CADM2: variants seen among roughly 807,000 people sequenced by gnomAD.
CADM2 encodes the protein cell adhesion molecule 2.
CADM2 carries 12 observed loss-of-function variants against 49.8 expected under a neutral mutation model. That is an observed-to-expected ratio of 0.24 (90% confidence interval 0.15 to 0.39). CADM2 has a LOEUF of 0.39. Among genes scored for constraint, CADM2 ranks in the 10% least tolerant of loss-of-function variants. The pLI, the probability that CADM2 is intolerant of heterozygous loss-of-function variation, is 1.00. For missense variants in CADM2, 378 were observed against 492.3 expected, an observed-to-expected ratio of 0.77 and a Z score of 2.20; for synonymous variants, 214 against 175.4, an observed-to-expected ratio of 1.22 and a Z score of -1.74.
intron 1 of CADM2, among the ~76,000 whole-genome samples, chr3:85,514,063 CT>C (rs2060837895): frequency 6.6e-6 from 1 of 152,048 alleles, no homozygotes; most frequent in African/African-American, 2.4e-5. Flanking sequence ...TCACTTACTT[CT>C]TACAATGACA....
At chr3:85,356,532 A>G (rs1448082123) in intron 1 of CADM2, among the ~76,000 whole-genome samples, 1 of 152,108 alleles carries the variant, frequency 6.6e-6, no homozygotes, top group Non-Finnish European at 1.5e-5. Flanking sequence ...AGAAAAGATA[A>G]TACAATGAGA....
At chr3:85,012,164 G>A (rs1476954444) in intron 1 of CADM2, among the ~76,000 whole-genome samples, 1 of 151,058 alleles carries the variant, frequency 6.6e-6, no homozygotes, top group East Asian at 1.9e-4. Flanking sequence ...AAAAAAATGA[G>A]CTCATGCTCC....
intron 1 of CADM2, among the ~76,000 whole-genome samples, chr3:85,647,281 G>T (rs1232861165): frequency 6.6e-6 from 1 of 151,698 alleles, no homozygotes; most frequent in East Asian, 1.9e-4. Context: ...CATGGGAAAT[G>T]AAACCATTTT....
intron 8 of CADM2, among the ~76,000 whole-genome samples, chr3:86,037,443 G>C (rs1384569591): frequency 6.6e-6 from 1 of 152,098 alleles, no homozygotes; most frequent in Non-Finnish European, 1.5e-5. Context: ...TTAAGAGAGG[G>C]GGGCAGGGCA....
intron 1 of CADM2, among the ~76,000 whole-genome samples, chr3:85,506,773 A>G (rs906556031): frequency 1.3e-5 from 2 of 152,080 alleles, no homozygotes; most frequent in African/African-American, 4.8e-5. Flanking sequence ...ACTGATATAT[A>G]CTTCATGAAA....
chr3:85,963,506 C>A (rs1313714270), intron 8 of CADM2, among the ~76,000 whole-genome samples: 4 of 151,850 alleles, frequency 2.6e-5, no homozygotes, highest in African/African-American at 7.2e-5. Flanking sequence ...AAAGTGTAGT[C>A]TATCTGATTC....
intron 8 of CADM2, among the ~76,000 whole-genome samples, chr3:85,980,114 A>G (rs1418040636): frequency 1.3e-5 from 2 of 151,516 alleles, no homozygotes; most frequent in Admixed American, 6.6e-5. Context: ...CAGTGCTCAG[A>G]GAGAATTTGT....
At chr3:85,355,050 T>C (rs979397910) in intron 1 of CADM2, among the ~76,000 whole-genome samples, 1 of 152,044 alleles carries the variant, frequency 6.6e-6, no homozygotes, top group African/African-American at 2.4e-5. Flanking sequence ...GTGTCGATGC[T>C]CTGACTTCAA....
chr3:85,975,768 T>C (rs933680736), intron 8 of CADM2, among the ~76,000 whole-genome samples: 1 of 151,614 alleles, frequency 6.6e-6, no homozygotes, highest in Non-Finnish European at 1.5e-5. Context: ...AAAAATGAGC[T>C]CATCTTTTGC....
intron 1 of CADM2, among the ~76,000 whole-genome samples, chr3:85,156,522 T>A (rs1444427448): frequency 6.6e-6 from 1 of 152,176 alleles, no homozygotes; most frequent in Non-Finnish European, 1.5e-5. Context: ...CCAGATGGAT[T>A]CACAGCCAAA....
At chr3:85,515,559 ATTACAGGAGAGTGCCACCACGCC>A (rs1308254018) in intron 1 of CADM2, among the ~76,000 whole-genome samples, 1,982 of 147,730 alleles carry the variant, frequency 0.013, 64 homozygotes, top group African/African-American at 0.047. Flanking sequence ...AGTAGCTGGG[ATTACAGGAGAGTGCCACCACGCC>A]CTACAGGAGA....
chr3:85,060,570 A>G (rs934288273), intron 1 of CADM2, among the ~76,000 whole-genome samples: 1 of 152,166 alleles, frequency 6.6e-6, no homozygotes, highest in Non-Finnish European at 1.5e-5. Context: ...AGCTTTAAGT[A>G]TTTTTATACA....
intron 1 of CADM2, among the ~76,000 whole-genome samples, chr3:85,308,154 C>A (rs892553363): frequency 1.3e-5 from 2 of 151,690 alleles, no homozygotes; most frequent in African/African-American, 4.8e-5. Flanking sequence ...GAAAGATTTT[C>A]TTTTGCCAGA....
intron 1 of CADM2, among the ~76,000 whole-genome samples, chr3:85,345,329 A>AG (rs1297288308): frequency 6.6e-6 from 1 of 150,434 alleles, no homozygotes; most frequent in African/African-American, 2.4e-5. Context: ...AAAAAAAAAA[A>AG]AAAAAGAAAG....
chr3:85,521,130 G>A (rs1372609998), intron 1 of CADM2, among the ~76,000 whole-genome samples: 2 of 152,076 alleles, frequency 1.3e-5, no homozygotes, highest in Non-Finnish European at 2.9e-5. Flanking sequence ...ATTGTTTAGA[G>A]AAAGCCTATG....
At chr3:85,115,780 C>A (rs765881713) in intron 1 of CADM2, among the ~76,000 whole-genome samples, 1 of 152,116 alleles carries the variant, frequency 6.6e-6, no homozygotes, top group Non-Finnish European at 1.5e-5. Flanking sequence ...CTTTTCTTTT[C>A]ATATTAGACA....
In CADM2 at chr3:85,686,789, G is replaced by A. The variant is rs561345672; in HGVS notation, c.62-39733G>A. 4.5e-4 allele frequency among the ~76,000 whole-genome samples: 69 copies of A among 152,210 alleles called. 1 individual carries two copies. Among genetic ancestry groups the A allele is most frequent in the African/African-American group, 1.6e-3 (67 of 41,530 alleles). ...AATGCATATCTCATTGCCTTCTTTGGAGAGTCTAATCAGAAACTCAAAAGA... is the reference window on the plus strand; with the variant it reads ...AATGCATATCTCATTGCCTTCTTTGAAGAGTCTAATCAGAAACTCAAAAGA... On this transcript the variant is annotated intron_variant, in intron 1 of 9. Transcript: ENST00000383699.
intron 1 of CADM2, among the ~76,000 whole-genome samples, chr3:85,648,925 C>T (rs1291295075): frequency 6.6e-6 from 1 of 151,806 alleles, no homozygotes; most frequent in African/African-American, 2.4e-5. Flanking sequence ...TTTCCTCCCA[C>T]AGTGGATTTA....
chr3:85,831,665 T>G (rs1054665327), intron 3 of CADM2, among the ~76,000 whole-genome samples: 2 of 151,910 alleles, frequency 1.3e-5, no homozygotes, highest in African/African-American at 4.8e-5. Flanking sequence ...TTTGCTCCCT[T>G]TTTTAATGGG....
Sources: allele counts gnomAD v4.1 joint callset (sites outside exome capture counted in the v4.1 genomes callset), GRCh38; gene constraint gnomAD v4.1.1; transcripts MANE v1.5; gene names NCBI Gene and HGNC (gene_info 2026-07-23, HGNC 2026-07-21).